TSSK3: variants seen among roughly 807,000 people sequenced by gnomAD.
The protein encoded by TSSK3 is testis specific serine kinase 3, also known as testis-specific serine/threonine-protein kinase 3.
TSSK3 carries 16 observed loss-of-function variants against 18.9 expected under a neutral mutation model. The observed-to-expected ratio is 0.85, with a 90% CI of 0.57 to 1.28. The LOEUF (loss-of-function observed/expected upper bound fraction) is 1.28. Among genes scored for constraint, TSSK3 ranks in the 50% most tolerant of loss-of-function variants. The pLI is 0.00. For synonymous variants in TSSK3, 146 were observed against 133.9 expected (o/e 1.09, Z -0.62); for missense variants, 345 against 341.0 (o/e 1.01, Z -0.09).
chr1:32,363,566 G>C (rs1396939640), intron 1 of TSSK3, 29 bp from the exon 2 acceptor site: 17 of 1,584,136 alleles, frequency 1.1e-5, no homozygotes, highest in Non-Finnish European at 1.4e-5. Flanking sequence ...TGATCTGCCA[G>C]CCCATCTCTC....
chr1:32,363,519 G>A lies in TSSK3; in HGVS notation c.146-76G>A, dbSNP rs551298215. The A allele has an allele frequency of 6.3e-6, 9 of 1,433,174 alleles. No homozygotes were observed. In the Admixed American group the frequency reaches 8.5e-5, roughly 13 times the overall value. 88.8% of individuals were successfully genotyped at this position (1,433,174 alleles called of 1,614,324 possible). On this transcript the variant is annotated intron_variant, in intron 1 of 1. Transcript: ENST00000373534. ...GACCCAGACAAGGTGGGCAGAAGTT[G>A]GAAGGCAGGAGACAGGTGTGAGGAG...
intron 1 of TSSK3, 65 bp from the exon 2 acceptor site, chr1:32,363,530 G>C: frequency 6.7e-7 from 1 of 1,498,666 alleles, no homozygotes; most frequent in Non-Finnish European, 9.1e-7. Flanking sequence ...GAAGGCAGGA[G>C]ACAGGTGTGA....
rs1436240577 is a variant in TSSK3, at chr1:32,363,791, C to T, written c.342C>T (p.Leu114=). Residue 114 remains leucine (L), a synonymous_variant, in exon 2 of 2, where the codon CTC becomes CTT. Transcript: ENST00000373534. The part of the protein sequence containing the change: ...GPLPESRAKA[L]FRQMVEAIRY... The stretch of plus-strand genomic sequence containing the variant: ...TGCCTGAAAGCCGGGCCAAGGCCCT[C>T]TTCCGTCAGATGGTTGAGGCCATCC... The T allele has an allele frequency of 6.2e-7, 1 of 1,614,260 alleles. No individual in the cohort carries two copies. Among genetic ancestry groups the T allele is most frequent in the East Asian group, 2.2e-5 (1 of 44,886 alleles).
intron 1 of TSSK3, chr1:32,363,144 A>C: frequency 2.4e-6 from 1 of 419,524 alleles, no homozygotes; most frequent in Non-Finnish European, 4.4e-6. Context: ...CAGAGGCCAC[A>C]ACCAGGGCTG....
chr1:32,363,052 G>A, intron 1 of TSSK3: 1 of 583,738 alleles, frequency 1.7e-6, no homozygotes, highest in Non-Finnish European at 3.0e-6. Flanking sequence ...CAGAATGCAA[G>A]ATGAAAGTGG....
rs1641759057 is a variant in TSSK3, at chr1:32,363,835, G to T, written c.386G>T (p.Gly129Val). 1.9e-6 allele frequency: 3 copies of T among 1,614,202 alleles called. No homozygotes were observed. The South Asian group carries it at 3.3e-5, about 18-fold the overall frequency. Reference protein sequence around the residue: ...VEAIRYCHGCGVAHRDLKCEN... With the variant: ...VEAIRYCHGCVVAHRDLKCEN... ...GCCATCCGCTACTGCCATGGCTGTG[G>T]TGTGGCCCACCGGGACCTCAAATGT... is the stretch of plus-strand genomic sequence containing the variant. The change falls in exon 2 of 2, where the codon GGT becomes GTT. Residue 129 changes from glycine to valine, a missense_variant. Gly to Val is a moderately radical substitution (Grantham distance 109, BLOSUM62 -3). Coordinates refer to ENST00000373534, the MANE Select transcript of TSSK3 (RefSeq NM_052841.4).
chr1:32,363,973 A>C lies in TSSK3; in HGVS notation c.524A>C (p.Tyr175Ser). ...LSQTFCGSTA[Y>S]AAPEVLQGIP... ...CAGACCTTCTGCGGCAGTACAGCCTATGCTGCCCCCGAGGTGCTGCAGGGC... is the reference window on the plus strand; with the variant it reads ...CAGACCTTCTGCGGCAGTACAGCCTCTGCTGCCCCCGAGGTGCTGCAGGGC... Residue 175 changes from tyrosine to serine, a missense_variant, in exon 2 of 2, where the codon TAT (tyrosine) becomes TCT (serine). By Grantham distance (144) the Tyr-to-Ser change is moderately radical. Transcript: ENST00000373534. The C allele has an allele frequency of 6.2e-7, 1 of 1,614,266 alleles. No homozygotes were observed. The highest frequency in any genetic ancestry group is 1.6e-4 in the Middle Eastern group (1 of 6,062).
chr1:32,363,283 G>T, intron 1 of TSSK3: 1 of 399,114 alleles, frequency 2.5e-6, no homozygotes, highest in South Asian at 3.3e-5. Flanking sequence ...GACAAATCAG[G>T]CCTTATAATT....
intron 1 of TSSK3, 33 bp from the exon 2 acceptor site, chr1:32,363,562 G>A (rs747664454): frequency 8.2e-6 from 13 of 1,579,882 alleles, no homozygotes; most frequent in Non-Finnish European, 1.1e-5. Flanking sequence ...TTTCTGATCT[G>A]CCAGCCCATC....
chr1:32,363,042 C>CA (rs1239847980), intron 1 of TSSK3, 196 bp downstream of exon 1: 1 of 606,250 alleles, frequency 1.6e-6, no homozygotes, highest in Admixed American at 2.9e-5. Context: ...TACACCCCCC[C>CA]AGAATGCAAG....
chr1:32,362,880 G>C (rs369841741), intron 1 of TSSK3, 34 bp downstream of exon 1: 3 of 1,609,156 alleles, frequency 1.9e-6, no homozygotes, highest in South Asian at 1.1e-5. Context: ...GAAGGAGGGA[G>C]GACTGGCTGA....
In TSSK3 at chr1:32,364,191, C is replaced by T; in HGVS notation, c.742C>T (p.Pro248Ser). 6.2e-7 allele frequency: 1 copy of T among 1,613,678 alleles called. No individual in the cohort carries two copies. The highest frequency in any genetic ancestry group is 8.5e-7 in the Non-Finnish European group (1 of 1,179,644). ...GGACCTGCTCAAGAGGCTCCTGGAA[C>T]CCGATATGATCCTCCGGCCTTCAAT... The part of the protein sequence containing the change: ...CQDLLKRLLE[P>S]DMILRPSIEE... Residue 248 changes from proline to serine, a missense_variant, in exon 2 of 2, where the codon CCC becomes TCC. By Grantham distance (74) the Pro-to-Ser change is moderately conservative. Coordinates refer to ENST00000373534, the MANE Select transcript of TSSK3 (RefSeq NM_052841.4).
In TSSK3 at chr1:32,362,767, A is replaced by G. The variant is rs1374880686; in HGVS notation, c.66A>G (p.Ser22=). ...AGACCATTGGGGAAGGGACCTACTCAAAAGTCAAAGAAGCATTTTCCAAAA... is the reference window on the plus strand; with the variant it reads ...AGACCATTGGGGAAGGGACCTACTCGAAAGTCAAAGAAGCATTTTCCAAAA... ...LGKTIGEGTY[S]KVKEAFSKKH... Residue 22 remains serine, a synonymous_variant, in exon 1 of 2, where the codon TCA becomes TCG. Coordinates refer to ENST00000373534, the MANE Select transcript of TSSK3 (RefSeq NM_052841.4). 6.2e-7 allele frequency: 1 copy of G among 1,614,174 alleles called. No individual in the cohort carries two copies.
rs752481943 is a variant in TSSK3 at position 32,364,138 on chromosome 1, C to G, written c.689C>G (p.Thr230Ser). The G allele has an allele frequency of 6.2e-7, 1 of 1,614,120 alleles. No individual in the cohort carries two copies. The highest frequency in any genetic ancestry group is 1.3e-5 in the African/African-American group (1 of 74,936). ...CAGCAGAAGGGGGTGTCCTTCCCCA[C>G]TCATCTGAGCATCTCGGCCGATTGC... ...WQQQKGVSFP[T>S]HLSISADCQD... The change falls in exon 2 of 2, where the codon ACT becomes AGT. Residue 230 changes from threonine (T) to serine (S), a missense_variant. Physicochemically the swap from Thr to Ser is moderately conservative, Grantham distance 58. Transcript: ENST00000373534.
rs747562551 is a variant in TSSK3 at position 32,364,132 on chromosome 1, T to TC, written c.687dup (p.Thr230HisfsTer28). 28 of 1,614,166 alleles carry TC rather than the reference T, an allele frequency of 1.7e-5. No homozygotes were observed. Among genetic ancestry groups the TC allele is most frequent in the Non-Finnish European group, 2.2e-5 (26 of 1,180,030 alleles). On this transcript the variant is annotated frameshift_variant, in exon 2 of 2. Transcript: ENST00000373534. LOFTEE classifies it high-confidence loss of function. ...TGGCAGCAGCAGAAGGGGGTGTCCT[T>TC]CCCCACTCATCTGAGCATCTCGGCC...
intron 1 of TSSK3, 176 bp from the exon 2 acceptor site, chr1:32,363,419 T>A (rs1191901898): frequency 1.4e-5 from 9 of 644,708 alleles, no homozygotes; most frequent in Admixed American, 3.0e-5. Context: ...ACGACAAAAA[T>A]AATAGAAGTG....
At chr1:32,362,910 C>CTGTT (rs556003272) in intron 1 of TSSK3, 64 bp downstream of exon 1, 9 of 1,574,838 alleles carry the variant, frequency 5.7e-6, no homozygotes, top group East Asian at 2.2e-5. Flanking sequence ...GTGCTTCCTC[C>CTGTT]TGTTTGTTAG....
intron 1 of TSSK3, 104 bp downstream of exon 1, chr1:32,362,950 C>T: frequency 1.9e-5 from 28 of 1,441,002 alleles, no homozygotes; most frequent in Non-Finnish European, 2.6e-5. Flanking sequence ...CCTGCTCCCG[C>T]TGGCCTGGAA....
chr1:32,363,563 C>T (rs1371937643), intron 1 of TSSK3, 32 bp from the exon 2 acceptor site: 1 of 1,579,962 alleles, frequency 6.3e-7, no homozygotes. Flanking sequence ...TTCTGATCTG[C>T]CAGCCCATCT....
Sources: gnomAD v4.1 joint callset for allele counts on GRCh38, gnomAD v4.1.1 for gene constraint, MANE v1.5 for transcripts, NCBI Gene and HGNC (gene_info 2026-07-23, HGNC 2026-07-21) for gene names.